LRRIQ1: variants seen among roughly 807,000 people sequenced by gnomAD.
LRRIQ1 encodes leucine-rich repeat- and IQ domain-containing protein 1.
LRRIQ1 carries 210 observed loss-of-function variants against 211.9 expected under a neutral mutation model. The observed-to-expected ratio is 0.99, with a 90% CI of 0.89 to 1.11. LRRIQ1 has a LOEUF of 1.11. LRRIQ1 is among the 50% of genes most tolerant of loss of function. The probability of loss-of-function intolerance (pLI) is 0.00; values close to 1 mark genes in which losing one functional copy is unlikely to be tolerated. For missense variants in LRRIQ1, 2,136 were observed against 1,939.5 expected (o/e 1.10, Z -1.90); for synonymous variants, 699 against 650.1 (o/e 1.08, Z -1.14).
rs1304686743 is a variant in LRRIQ1, at chr12:85,098,399, C to T, written c.2932C>T (p.His978Tyr). 2 of 1,608,700 alleles carry T rather than the reference C, an allele frequency of 1.2e-6. No individual in the cohort carries two copies. The highest frequency in any genetic ancestry group is 2.2e-5 in the East Asian group (1 of 44,588). The change falls in exon 12 of 27, where the codon CAC (histidine) becomes TAC (tyrosine). Residue 978 changes from histidine to tyrosine, a missense_variant. Transcript: ENST00000393217. ...AAATCTTCAACAACTAATTTTGGACCACAATCAGTTAATTAATACAAAAGG... is the reference window on the plus strand; with the variant it reads ...AAATCTTCAACAACTAATTTTGGACTACAATCAGTTAATTAATACAAAAGG... The part of the protein sequence containing the change: ...LKNLQQLILD[H>Y]NQLINTKGLC...
intron 11 of LRRIQ1, among the ~76,000 whole-genome samples, chr12:85,085,587 T>C (rs1884734898): frequency 6.6e-6 from 1 of 152,224 alleles, no homozygotes; most frequent in African/African-American, 2.4e-5. Flanking sequence ...CACTCCCTGC[T>C]TCACTCTCTC....
chr12:85,226,415 A>G (rs1206505365), intron 24 of LRRIQ1, among the ~76,000 whole-genome samples: 1 of 152,078 alleles, frequency 6.6e-6, no homozygotes, highest in Non-Finnish European at 1.5e-5. Context: ...AGGAAACCAG[A>G]TCAGTAGCTG....
chr12:85,038,028 A>G (rs2135851021), intron 1 of LRRIQ1, 125 bp from the exon 2 acceptor site: 2 of 501,510 alleles, frequency 4.0e-6, no homozygotes, highest in Non-Finnish European at 6.3e-6. Flanking sequence ...TGGTGTAACC[A>G]TAATAAGGTG....
chr12:85,190,410 TAC>T (rs1452503245), intron 24 of LRRIQ1, among the ~76,000 whole-genome samples: 3 of 147,068 alleles, frequency 2.0e-5, no homozygotes, highest in East Asian at 2.0e-4. Flanking sequence ...ACTATAACTA[TAC>T]AGTTAATATA....
At chr12:85,250,250 A>G (rs542302975) in intron 1 of LRRIQ1, among the ~76,000 whole-genome samples, 2 of 151,924 alleles carry the variant, frequency 1.3e-5, no homozygotes, top group South Asian at 4.1e-4. Flanking sequence ...AAGATTGCCT[A>G]TTTAGTAGAC....
At chr12:85,063,140 C>G (rs1882038279) in intron 8 of LRRIQ1, among the ~76,000 whole-genome samples, 1 of 151,284 alleles carries the variant, frequency 6.6e-6, no homozygotes, top group Non-Finnish European at 1.5e-5. Context: ...TTTTCCCATT[C>G]TGTAGGTTGT....
chr12:85,229,497 G>C lies in LRRIQ1; in HGVS notation c.4823-20G>C. The C allele has an allele frequency of 1.3e-6, 2 of 1,585,342 alleles. No individual in the cohort carries two copies. The highest frequency in any genetic ancestry group is 1.7e-6 in the Non-Finnish European group (2 of 1,170,970). ...TGGTCTCTTTAAATAATAAGTACAC[G>C]TTCCATATTTCTTTCACAGGTATAG... is the stretch of plus-strand genomic sequence containing the variant. On this transcript the variant is annotated intron_variant, in intron 24 of 26. Transcript: ENST00000393217.
intron 11 of LRRIQ1, among the ~76,000 whole-genome samples, chr12:85,087,185 A>G (rs1415499490): frequency 4.0e-5 from 6 of 151,880 alleles, no homozygotes; most frequent in African/African-American, 1.2e-4. Flanking sequence ...GAGTGAGAAC[A>G]TGTGGTGTTT....
intron 18 of LRRIQ1, among the ~76,000 whole-genome samples, chr12:85,130,861 G>A (rs1888698344): frequency 6.6e-6 from 1 of 152,096 alleles, no homozygotes; most frequent in African/African-American, 2.4e-5. Flanking sequence ...CATAGAGCCA[G>A]ACTAGATTTC....
In LRRIQ1 at chr12:85,137,983, A is replaced by G. The variant is rs193184948; in HGVS notation, c.4329+14A>G. The G allele has an allele frequency of 1.2e-4, 155 of 1,294,220 alleles. No individual in the cohort carries two copies. The Admixed American group carries it at 1.4e-3, about 11-fold the overall frequency. 80.2% of individuals were successfully genotyped at this position (1,294,220 alleles called of 1,614,324 possible). ...ATATTTGATGAAGTAAGTACGAACT[A>G]TAGTATATAAATATTGGTCTTAAAA... On this transcript the variant is annotated intron_variant, in intron 19 of 26. Transcript: ENST00000393217.
rs1879050680 is a variant in LRRIQ1 at position 85,042,774 on chromosome 12, A to G, written c.245-1944A>G. On this transcript the variant is annotated intron_variant, in intron 3 of 26. Transcript: ENST00000393217. ...AAAGAGGTGGAAAGAGATTTTTCAA[A>G]TGTTGCTAAACTAGGAAAGATGTTA... Among the ~76,000 whole-genome samples the G allele has an allele frequency of 2.0e-5, 3 of 152,122 alleles. No individual in the cohort carries two copies. In the South Asian group the frequency reaches 6.2e-4, roughly 31 times the overall value.
intron 19 of LRRIQ1, among the ~76,000 whole-genome samples, chr12:85,148,572 C>T (rs1367324662): frequency 1.3e-5 from 2 of 151,828 alleles, no homozygotes; most frequent in African/African-American, 4.8e-5. Flanking sequence ...TGGATTGGTT[C>T]CATGACTTTG....
At chr12:85,044,607 A>G (rs935937768) in intron 3 of LRRIQ1, 111 bp from the exon 4 acceptor site, 8 of 482,592 alleles carry the variant, frequency 1.7e-5, no homozygotes, top group Non-Finnish European at 3.0e-5. Flanking sequence ...TTACTGATCA[A>G]CAATATACCC....
chr12:85,228,791 A>G (rs992443823), intron 24 of LRRIQ1, among the ~76,000 whole-genome samples: 1 of 152,176 alleles, frequency 6.6e-6, no homozygotes, highest in East Asian at 1.9e-4. Context: ...ATGTACAAAC[A>G]TCTATAACAA....
chr12:85,135,324 T>C (rs943248414), intron 18 of LRRIQ1, among the ~76,000 whole-genome samples: 3 of 151,894 alleles, frequency 2.0e-5, no homozygotes, highest in Non-Finnish European at 4.4e-5. Context: ...GGTTTTTTTT[T>C]TAGCAAGAAT....
At chr12:85,256,465 A>C (rs1223623674) in intron 1 of LRRIQ1, among the ~76,000 whole-genome samples, 1 of 151,670 alleles carries the variant, frequency 6.6e-6, no homozygotes, top group African/African-American at 2.4e-5. Flanking sequence ...TTGTCGAATG[A>C]ATGAAACTGG....
At chr12:85,209,275 G>T (rs1323545173) in intron 24 of LRRIQ1, among the ~76,000 whole-genome samples, 1 of 152,178 alleles carries the variant, frequency 6.6e-6, no homozygotes, top group Non-Finnish European at 1.5e-5. Flanking sequence ...TGCAATCATG[G>T]CAGAAGGAGA....
intron 15 of LRRIQ1, among the ~76,000 whole-genome samples, chr12:85,121,378 T>TCTTTTCAGATGC (rs1432321247): frequency 5.3e-5 from 8 of 152,206 alleles, no homozygotes; most frequent in African/African-American, 1.7e-4. Flanking sequence ...CTAATATTAT[T>TCTTTTCAGATGC]ATTCTTTTCA....
chr12:85,233,366 C>T (rs150853970), intron 26 of LRRIQ1, among the ~76,000 whole-genome samples: 14 of 151,712 alleles, frequency 9.2e-5, no homozygotes, highest in Non-Finnish European at 1.8e-4. Flanking sequence ...TTTTTCAGTG[C>T]GTTTCTAGAA....
Sources: allele counts gnomAD v4.1 joint callset (sites outside exome capture counted in the v4.1 genomes callset), GRCh38; gene constraint gnomAD v4.1.1; transcripts MANE v1.5; gene names NCBI Gene and HGNC (gene_info 2026-07-23, HGNC 2026-07-21).